EYS: variants seen among roughly 807,000 people sequenced by gnomAD.
EYS encodes protein eyes shut homolog.
Under a neutral mutation model 282.1 loss-of-function variants are expected in EYS, and 250 were observed. The observed-to-expected ratio is 0.89, with a 90% CI of 0.80 to 0.98. The LOEUF is 0.98. Among genes scored for constraint, EYS ranks in the 50% least tolerant of loss-of-function variants. EYS has a pLI of 0.00. For synonymous variants in EYS, 1,355 were observed against 1,282.9 expected (o/e 1.06, Z -1.20); for missense variants, 4,016 against 3,709.0 (o/e 1.08, Z -2.15).
At chr6:65,556,960 A>G (rs748867295) in intron 2 of EYS, among the ~76,000 whole-genome samples, 1 of 152,240 alleles carries the variant, frequency 6.6e-6, no homozygotes, top group Non-Finnish European at 1.5e-5. Flanking sequence ...TCATAACAGT[A>G]TATGGTAATA....
chr6:65,069,718 T>C (rs1446791470), intron 12 of EYS, among the ~76,000 whole-genome samples: 1 of 151,934 alleles, frequency 6.6e-6, no homozygotes, highest in Non-Finnish European at 1.5e-5. Context: ...ATTATACTGG[T>C]TTTAATTTTT....
chr6:65,469,083 T>A (rs1054285157), intron 5 of EYS, among the ~76,000 whole-genome samples: 2 of 152,116 alleles, frequency 1.3e-5, no homozygotes, highest in African/African-American at 2.4e-5. Context: ...GAATTTCTGA[T>A]AGAACAATAT....
chr6:64,287,180 TTAAG>T (rs1402808941), intron 30 of EYS, among the ~76,000 whole-genome samples: 1 of 152,116 alleles, frequency 6.6e-6, no homozygotes, highest in Non-Finnish European at 1.5e-5. Flanking sequence ...TTTGCCTTAA[TTAAG>T]TCACTGCCTT....
intron 12 of EYS, among the ~76,000 whole-genome samples, chr6:65,128,414 T>C (rs1775778190): frequency 6.6e-6 from 1 of 151,978 alleles, no homozygotes. Context: ...TACGATTTTA[T>C]ACCTAGATAA....
chr6:65,192,479 A>G (rs1765666705), intron 12 of EYS, among the ~76,000 whole-genome samples: 1 of 151,758 alleles, frequency 6.6e-6, no homozygotes, highest in African/African-American at 2.4e-5. Flanking sequence ...AATTTTTTAC[A>G]AAAAAGGCTA....
chr6:64,861,424 C>G (rs1361375274), intron 19 of EYS, among the ~76,000 whole-genome samples: 1 of 152,162 alleles, frequency 6.6e-6, no homozygotes, highest in African/African-American at 2.4e-5. Context: ...AGGGGTGCTT[C>G]CCAGTCCCGA....
intron 36 of EYS, among the ~76,000 whole-genome samples, chr6:63,830,156 T>C (rs1771588254): frequency 6.6e-6 from 1 of 152,186 alleles, no homozygotes; most frequent in South Asian, 2.1e-4. Flanking sequence ...TCGGAGTGTC[T>C]CTTCTCCTCC....
intron 11 of EYS, among the ~76,000 whole-genome samples, chr6:65,322,313 C>A (rs1036790848): frequency 3.3e-5 from 5 of 152,026 alleles, no homozygotes; most frequent in Non-Finnish European, 5.9e-5. Flanking sequence ...TGAAATGTAC[C>A]GATTAATAGC....
At chr6:64,142,279 A>G (rs1774362319) in intron 31 of EYS, among the ~76,000 whole-genome samples, 1 of 152,020 alleles carries the variant, frequency 6.6e-6, no homozygotes, top group South Asian at 2.1e-4. Context: ...TATATATGGA[A>G]ACACATATGG....
chr6:65,078,226 T>C (rs532100003), intron 12 of EYS, among the ~76,000 whole-genome samples: 89 of 152,228 alleles, frequency 5.8e-4, no homozygotes, highest in African/African-American at 2.0e-3. Flanking sequence ...TGCAGTCAGG[T>C]TTAGAATTTT....
chr6:64,398,804 T>A (rs1773460955), intron 28 of EYS, among the ~76,000 whole-genome samples: 1 of 151,820 alleles, frequency 6.6e-6, no homozygotes, highest in Non-Finnish European at 1.5e-5. Flanking sequence ...GCTTTGACAA[T>A]TTTTTGAAAA....
chr6:64,526,152 G>A (rs1459513674), intron 26 of EYS, among the ~76,000 whole-genome samples: 1 of 151,710 alleles, frequency 6.6e-6, no homozygotes, highest in Non-Finnish European at 1.5e-5. Flanking sequence ...TAGAAATCGA[G>A]AACAGAATAG....
chr6:64,308,249 T>TG (rs1214616273), intron 29 of EYS, among the ~76,000 whole-genome samples: 3 of 151,980 alleles, frequency 2.0e-5, no homozygotes, highest in Non-Finnish European at 2.9e-5. Context: ...AGGAATAAGT[T>TG]GGGGAAAAAT....
At chr6:65,174,563 G>T (rs1765182294) in intron 12 of EYS, among the ~76,000 whole-genome samples, 1 of 151,200 alleles carries the variant, frequency 6.6e-6, no homozygotes, top group African/African-American at 2.4e-5. Context: ...GTTGGAAAAA[G>T]TTTGTGAATA....
At chr6:64,700,805 C>CA (rs1770759296) in intron 22 of EYS, among the ~76,000 whole-genome samples, 1 of 151,894 alleles carries the variant, frequency 6.6e-6, no homozygotes. Flanking sequence ...CTATCCAAAG[C>CA]AAAGTACAGA....
chr6:65,105,638 T>G (rs1775013421), intron 12 of EYS, among the ~76,000 whole-genome samples: 1 of 151,930 alleles, frequency 6.6e-6, no homozygotes, highest in Middle Eastern at 3.2e-3. Flanking sequence ...TAATCCTGTC[T>G]GTGAAACCAC....
intron 31 of EYS, among the ~76,000 whole-genome samples, chr6:64,099,311 CCT>C (rs1485729970): frequency 1.6e-4 from 24 of 152,266 alleles, no homozygotes; most frequent in African/African-American, 5.1e-4. Context: ...AATAATAGCC[CCT>C]GTTTCAGATG....
At chr6:65,186,430 T>C (rs1184271496) in intron 12 of EYS, among the ~76,000 whole-genome samples, 2 of 151,742 alleles carry the variant, frequency 1.3e-5, no homozygotes, top group Admixed American at 6.6e-5. Flanking sequence ...ATAGAGTGTG[T>C]CTGAGTCTAT....
intron 12 of EYS, among the ~76,000 whole-genome samples, chr6:65,202,592 G>A (rs1765929230): frequency 6.6e-6 from 1 of 152,218 alleles, no homozygotes; most frequent in South Asian, 2.1e-4. Flanking sequence ...AGCAGGGGAG[G>A]AGTCCACACT....
Sources: allele counts gnomAD v4.1 joint callset (sites outside exome capture counted in the v4.1 genomes callset), GRCh38; gene constraint gnomAD v4.1.1; transcripts MANE v1.5; gene names NCBI Gene and HGNC (gene_info 2026-07-23, HGNC 2026-07-21).